The following RGS17 variants were observed in gnomAD, a reference collection of about 807,000 sequenced individuals.
RGS17 encodes the protein regulator of G protein signaling 17.
In RGS17, 12 loss-of-function variants were observed where a neutral mutation model predicts 25.5. The observed-to-expected ratio is 0.47, with a 90% CI of 0.30 to 0.76. The LOEUF (loss-of-function observed/expected upper bound fraction) is 0.76, where lower values mean the gene tolerates loss of function less well. Ranked by LOEUF, RGS17 falls within the 30% of genes least tolerant of loss-of-function variation. The pLI is 0.07. For synonymous variants in RGS17, 71 were observed against 76.9 expected, an observed-to-expected ratio of 0.92 and a Z score of 0.40; for missense variants, 196 against 242.2, an observed-to-expected ratio of 0.81 and a Z score of 1.27.
At chr6:153,058,739 T>C (rs1334042238) in intron 1 of RGS17, among the ~76,000 whole-genome samples, 1 of 152,188 alleles carries the variant, frequency 6.6e-6, no homozygotes, top group African/African-American at 2.4e-5. Flanking sequence ...CACTTCTCAA[T>C]TTAAAATTTC....
rs79068648 is a variant in RGS17, at chr6:153,010,214, A to G, written c.*1360T>C. The stretch of plus-strand genomic sequence containing the variant: ...TCAGGGGATATTAATATTCAAATGT[A>G]ACACTTTGATATAAATATGACACTG... On this transcript the variant is annotated 3_prime_UTR_variant, in exon 5 of 5. Coordinates refer to ENST00000206262, the MANE Select transcript of RGS17 (RefSeq NM_012419.5). 6.2e-4 allele frequency: 94 copies of G among 152,126 alleles called. 1 individual carries two copies. The East Asian group carries it at 0.018, about 28-fold the overall frequency. The allele number at this position is 152,126 out of a possible 1,614,324, so 9.4% of individuals were successfully genotyped here.
At chr6:153,077,048 G>A (rs1246290858) in intron 1 of RGS17, among the ~76,000 whole-genome samples, 2 of 152,044 alleles carry the variant, frequency 1.3e-5, no homozygotes, top group Non-Finnish European at 2.9e-5. Context: ...ACTAATGAGG[G>A]ACCACCTGAC....
intron 1 of RGS17, among the ~76,000 whole-genome samples, chr6:153,123,139 A>C (rs1452939299): frequency 9.2e-6 from 1 of 108,256 alleles, no homozygotes; most frequent in Non-Finnish European, 1.9e-5. Flanking sequence ...GCTTTATAGC[A>C]TGTCTATGCC....
intron 1 of RGS17, among the ~76,000 whole-genome samples, chr6:153,093,163 T>A (rs1234064902): frequency 1.3e-5 from 2 of 152,236 alleles, no homozygotes; most frequent in South Asian, 2.1e-4. Context: ...TAATTTTGAA[T>A]AGTCATTAAT....
intron 1 of RGS17, among the ~76,000 whole-genome samples, chr6:153,124,200 A>G (rs928829881): frequency 6.6e-6 from 1 of 152,216 alleles, no homozygotes; most frequent in African/African-American, 2.4e-5. Flanking sequence ...ACCAGTACTC[A>G]CTAGATAAAA....
intron 1 of RGS17, among the ~76,000 whole-genome samples, chr6:153,114,409 T>C (rs1405478269): frequency 1.3e-5 from 2 of 152,092 alleles, no homozygotes; most frequent in Non-Finnish European, 2.9e-5. Context: ...AATAGACCAA[T>C]AGTAAGTTCT....
chr6:153,109,368 T>C (rs1777433576), intron 1 of RGS17, among the ~76,000 whole-genome samples: 2 of 152,240 alleles, frequency 1.3e-5, no homozygotes, highest in Admixed American at 6.5e-5. Flanking sequence ...ATTTCCATTT[T>C]TTAAGAGTAT....
intron 1 of RGS17, among the ~76,000 whole-genome samples, chr6:153,046,423 G>T (rs1776384884): frequency 6.6e-6 from 1 of 151,930 alleles, no homozygotes; most frequent in South Asian, 2.1e-4. Flanking sequence ...AGAGTGATAA[G>T]TGACCTTATC....
At chr6:153,077,990 C>T (rs932290276) in intron 1 of RGS17, among the ~76,000 whole-genome samples, 1 of 152,068 alleles carries the variant, frequency 6.6e-6, no homozygotes, top group Admixed American at 6.6e-5. Flanking sequence ...TCTCCTGCCT[C>T]AGCCTCCCAA....
intron 4 of RGS17, among the ~76,000 whole-genome samples, chr6:153,015,224 G>T (rs1004362201): frequency 9.2e-5 from 14 of 152,220 alleles, no homozygotes; most frequent in African/African-American, 3.1e-4. Flanking sequence ...TTGTTGAAAT[G>T]ACAACAAAGG....
At chr6:153,092,967 G>A (rs1021968968) in intron 1 of RGS17, among the ~76,000 whole-genome samples, 11 of 152,062 alleles carry the variant, frequency 7.2e-5, no homozygotes, top group South Asian at 6.2e-4. Context: ...CAATTTCCAC[G>A]CTTCCTCTAT....
At chr6:153,070,644 A>G (rs938021476) in intron 1 of RGS17, among the ~76,000 whole-genome samples, 34 of 149,876 alleles carry the variant, frequency 2.3e-4, no homozygotes, top group South Asian at 6.4e-4. Flanking sequence ...CTGTATATAT[A>G]CAGCCATCCC....
At chr6:153,102,529 G>A (rs1048469082) in intron 1 of RGS17, among the ~76,000 whole-genome samples, 4 of 152,064 alleles carry the variant, frequency 2.6e-5, no homozygotes, top group Non-Finnish European at 5.9e-5. Flanking sequence ...TTGAGGGAGG[G>A]ACCTGGTGAG....
At position 153,008,801 on chromosome 6, in the gene RGS17, C is replaced by T. The variant is rs1779103310; in HGVS notation, c.*2773G>A. 1 of 152,162 alleles carries T rather than the reference C, an allele frequency of 6.6e-6. No homozygotes were observed. The highest frequency in any genetic ancestry group is 6.5e-5 in the Admixed American group (1 of 15,282). The allele number at this position is 152,162 out of a possible 1,614,324, so 9.4% of individuals were successfully genotyped here. A position where few individuals can be genotyped will look rare whatever the true frequency, so the allele number is the denominator to read the frequency against. ...AAATATTGTGCTCTTGGAATGGTAG[C>T]ATAGACACCAGTTGAAGGCTCTTTT... On this transcript the variant is annotated 3_prime_UTR_variant, in exon 5 of 5. Transcript: ENST00000206262.
intron 1 of RGS17, among the ~76,000 whole-genome samples, chr6:153,047,662 C>T (rs2129111272): frequency 6.6e-6 from 1 of 152,278 alleles, no homozygotes; most frequent in South Asian, 2.1e-4. Context: ...CTTTTCCCCA[C>T]CATGTGAGGA....
chr6:153,029,574 CT>C (rs67471007), intron 2 of RGS17, among the ~76,000 whole-genome samples: 103 of 148,500 alleles, frequency 6.9e-4, no homozygotes, highest in South Asian at 1.3e-3. Flanking sequence ...CATAGAGACA[CT>C]TTTTTTTTTC....
At chr6:153,079,745 G>A (rs1776944365) in intron 1 of RGS17, among the ~76,000 whole-genome samples, 1 of 151,838 alleles carries the variant, frequency 6.6e-6, no homozygotes, top group Admixed American at 6.6e-5. Flanking sequence ...TCAATATAAA[G>A]GATATTGATC....
intron 1 of RGS17, among the ~76,000 whole-genome samples, chr6:153,127,466 T>C (rs1777719686): frequency 6.6e-6 from 1 of 152,230 alleles, no homozygotes; most frequent in African/African-American, 2.4e-5. Flanking sequence ...ATTGTATTTA[T>C]GCTTGCATCC....
At chr6:153,097,340 C>G (rs573998844) in intron 1 of RGS17, among the ~76,000 whole-genome samples, 2 of 137,538 alleles carry the variant, frequency 1.5e-5, no homozygotes, top group African/African-American at 5.6e-5. Flanking sequence ...TCTGAGTCGC[C>G]CAGGCTGGAG....
Sources: allele counts gnomAD v4.1 joint callset (sites outside exome capture counted in the v4.1 genomes callset), GRCh38; gene constraint gnomAD v4.1.1; transcripts MANE v1.5; gene names NCBI Gene and HGNC (gene_info 2026-07-23, HGNC 2026-07-21).